The following SFMBT2 variants were observed in gnomAD, a reference collection of about 807,000 sequenced individuals.
The protein encoded by SFMBT2 is Scm like with four mbt domains 2, also known as scm-like with four MBT domains protein 2.
Under a neutral mutation model 110.1 loss-of-function variants are expected in SFMBT2, and 38 were observed. That is an observed-to-expected ratio of 0.35 (90% CI 0.27 to 0.45). The LOEUF is 0.45. SFMBT2 is among the 20% of genes least tolerant of loss of function. The pLI, the probability that SFMBT2 is intolerant of heterozygous loss-of-function variation, is 1.00. For synonymous variants in SFMBT2, 425 were observed against 425.4 expected, an observed-to-expected ratio of 1.00 and a Z score of 0.01; for missense variants, 1,011 against 1,094.9, an observed-to-expected ratio of 0.92 and a Z score of 1.08.
chr10:7,209,783 G>C (rs542632589), intron 11 of SFMBT2, among the ~76,000 whole-genome samples: 2 of 152,378 alleles, frequency 1.3e-5, no homozygotes, highest in Admixed American at 6.5e-5. Context: ...CACAGGAGTG[G>C]AGGGAGAATC....
intron 1 of SFMBT2, among the ~76,000 whole-genome samples, chr10:7,402,367 C>T (rs1390181778): frequency 6.6e-6 from 1 of 152,058 alleles, no homozygotes; most frequent in Non-Finnish European, 1.5e-5. Context: ...TTCTATTCTG[C>T]CATCCATCGC....
intron 4 of SFMBT2, among the ~76,000 whole-genome samples, chr10:7,359,732 A>C (rs1475204058): frequency 6.6e-6 from 1 of 152,180 alleles, no homozygotes; most frequent in Non-Finnish European, 1.5e-5. Context: ...ATTTGCCGCC[A>C]AAAAAGACAA....
chr10:7,202,433 C>A, intron 13 of SFMBT2, 47 bp downstream of exon 13: 1 of 1,611,982 alleles, frequency 6.2e-7, no homozygotes, highest in Non-Finnish European at 8.5e-7. Context: ...AAAGACACTA[C>A]AGTTTATCGG....
At chr10:7,396,895 C>T (rs1446589859) in intron 1 of SFMBT2, among the ~76,000 whole-genome samples, 2 of 61,010 alleles carry the variant, frequency 3.3e-5, no homozygotes, top group Admixed American at 2.3e-4. Flanking sequence ...TGGGGCCTGT[C>T]GTGGGGTGGG....
chr10:7,249,399 C>T, intron 7 of SFMBT2: 1 of 509,524 alleles, frequency 2.0e-6, no homozygotes, highest in Non-Finnish European at 2.5e-6. Context: ...GTTGGCTGGA[C>T]TCTGGATACC....
chr10:7,213,785 G>A (rs112259922), intron 11 of SFMBT2, among the ~76,000 whole-genome samples: 9 of 149,574 alleles, frequency 6.0e-5, no homozygotes, highest in Non-Finnish European at 7.4e-5. Context: ...ATCCGTGTGC[G>A]AGGCCATGGT....
intron 7 of SFMBT2, among the ~76,000 whole-genome samples, chr10:7,275,475 T>G (rs6602235): frequency 0.12 from 18,199 of 151,288 alleles, 3,588 homozygotes; most frequent in African/African-American, 0.41. Flanking sequence ...GAAGGAAGAA[T>G]AAAAGGGAGA....
At position 7,162,377 on chromosome 10, in the gene SFMBT2, G is replaced by A. The variant is rs557027370; in HGVS notation, c.*1393C>T. 1 of 152,338 alleles carries A rather than the reference G, an allele frequency of 6.6e-6. No individual in the cohort carries two copies. Among genetic ancestry groups the A allele is most frequent in the East Asian group, 1.9e-4 (1 of 5,186 alleles). The allele number at this position is 152,338 out of a possible 1,614,324, so 9.4% of individuals were successfully genotyped here. ...CACCGCACCCTCAGGGTCCACACCT[G>A]TCACTTCACAGGAATGGAGGTCCAG... On this transcript the variant is annotated 3_prime_UTR_variant, in exon 21 of 21. Transcript: ENST00000397167.
chr10:7,281,773 C>G (rs182921634), intron 6 of SFMBT2, among the ~76,000 whole-genome samples: 51 of 152,308 alleles, frequency 3.3e-4, no homozygotes, highest in African/African-American at 1.1e-3. Flanking sequence ...TCTTCCTGTA[C>G]ATAACCTTTC....
chr10:7,400,378 CCTT>C (rs934340404), intron 1 of SFMBT2, among the ~76,000 whole-genome samples: 11 of 152,214 alleles, frequency 7.2e-5, no homozygotes, highest in African/African-American at 2.4e-4. Context: ...AAGGCCATCT[CCTT>C]CTCCAAGCAG....
intron 1 of SFMBT2, among the ~76,000 whole-genome samples, chr10:7,400,848 C>T (rs923104279): frequency 2.0e-5 from 3 of 152,098 alleles, no homozygotes; most frequent in South Asian, 4.1e-4. Flanking sequence ...AAGCATCCCC[C>T]CCGGCCAGGC....
intron 10 of SFMBT2, among the ~76,000 whole-genome samples, chr10:7,225,711 C>T (rs1458270726): frequency 2.6e-5 from 4 of 152,074 alleles, no homozygotes; most frequent in African/African-American, 9.7e-5. Context: ...TTTAGTGGGG[C>T]AAGGACTATA....
At position 7,163,592 on chromosome 10, in the gene SFMBT2, T is replaced by A; in HGVS notation, c.*178A>T. On this transcript the variant is annotated 3_prime_UTR_variant, in exon 21 of 21. Transcript: ENST00000397167. The surrounding 1 kb of genome is among the most constrained non-coding windows in gnomAD (Gnocchi z 4.8). ...CCCCAGAAGCGACTGCTGCTGTGCT[T>A]TGAAAACATGGAAACAGCTCACAGG... The A allele has an allele frequency of 1.7e-6, 1 of 603,574 alleles. No individual in the cohort carries two copies. The highest frequency in any genetic ancestry group is 2.1e-5 in the South Asian group (1 of 48,388). 37.4% of individuals were successfully genotyped at this position (603,574 alleles called of 1,614,324 possible).
intron 20 of SFMBT2, 114 bp from the exon 21 acceptor site, chr10:7,164,024 A>T: frequency 7.0e-7 from 1 of 1,424,056 alleles, no homozygotes; most frequent in Non-Finnish European, 9.2e-7. Context: ...CTCTTGTTTC[A>T]TTCAATTCAG....
At chr10:7,340,426 C>A (rs1318195478) in intron 4 of SFMBT2, among the ~76,000 whole-genome samples, 1 of 152,030 alleles carries the variant, frequency 6.6e-6, no homozygotes, top group Non-Finnish European at 1.5e-5. Context: ...AGATGCTTCA[C>A]ATCTGCTTCT....
chr10:7,365,567 G>T (rs1844868667), intron 4 of SFMBT2, among the ~76,000 whole-genome samples: 1 of 152,192 alleles, frequency 6.6e-6, no homozygotes, highest in African/African-American at 2.4e-5. Context: ...TGGAAGAACA[G>T]CTGCCTCTAA....
At chr10:7,401,253 G>A (rs1018967086) in intron 1 of SFMBT2, among the ~76,000 whole-genome samples, 3 of 152,166 alleles carry the variant, frequency 2.0e-5, no homozygotes, top group Non-Finnish European at 2.9e-5. Flanking sequence ...AGGTCAATGG[G>A]AAAATTAAGG....
chr10:7,253,704 T>C (rs919004705), intron 7 of SFMBT2, among the ~76,000 whole-genome samples: 9 of 152,086 alleles, frequency 5.9e-5, no homozygotes, highest in Admixed American at 2.0e-4. Flanking sequence ...AATAGCCACA[T>C]ATCTTATCCT....
intron 1 of SFMBT2, among the ~76,000 whole-genome samples, chr10:7,405,258 G>C (rs1846182021): frequency 6.6e-6 from 1 of 152,196 alleles, no homozygotes; most frequent in Admixed American, 6.5e-5. Context: ...TGGAATGGTG[G>C]GGTACACTGT....
Sources: gnomAD v4.1 joint callset for allele counts (sites outside exome capture counted in the v4.1 genomes callset) on GRCh38, gnomAD v4.1.1 for gene constraint, Gnocchi (gnomAD v3.1) non-coding constraint, MANE v1.5 for transcripts, NCBI Gene and HGNC (gene_info 2026-07-23, HGNC 2026-07-21) for gene names.